PLSCR4: variants seen among roughly 807,000 people sequenced by gnomAD.
The protein encoded by PLSCR4 is Ca(2+)-dependent phospholipid scramblase 4.
In PLSCR4, 25 loss-of-function variants were observed where a neutral mutation model predicts 36.3. That is an observed-to-expected ratio of 0.69 (90% CI 0.50 to 0.96). The LOEUF (loss-of-function observed/expected upper bound fraction) is 0.96. Among genes scored for constraint, PLSCR4 ranks in the 40% least tolerant of loss-of-function variants. The probability of loss-of-function intolerance (pLI) is 0.00; values close to 1 mark genes in which losing one functional copy is unlikely to be tolerated. For synonymous variants in PLSCR4, 122 were observed against 132.9 expected (o/e 0.92, Z 0.56); for missense variants, 408 against 414.7 (o/e 0.98, Z 0.14).
chr3:146,224,833 C>T (rs1393194526), intron 1 of PLSCR4, among the ~76,000 whole-genome samples: 5 of 150,128 alleles, frequency 3.3e-5, no homozygotes, highest in African/African-American at 1.2e-4. Context: ...CAAAGGTTCT[C>T]CACGTCCCCA....
intron 3 of PLSCR4, among the ~76,000 whole-genome samples, chr3:146,219,560 C>T (rs886476635): frequency 6.6e-6 from 1 of 152,074 alleles, no homozygotes; most frequent in Non-Finnish European, 1.5e-5. Context: ...AATCCTGATG[C>T]TTTCAGAAAA....
intron 1 of PLSCR4, among the ~76,000 whole-genome samples, chr3:146,244,120 C>G (rs572925445): frequency 6.6e-6 from 1 of 152,236 alleles, no homozygotes; most frequent in East Asian, 1.9e-4. Flanking sequence ...AATTTAGAGT[C>G]AGGAATGATG....
chr3:146,199,409 C>T (rs553992015), intron 6 of PLSCR4, among the ~76,000 whole-genome samples: 5 of 152,162 alleles, frequency 3.3e-5, no homozygotes, highest in South Asian at 2.1e-4. Flanking sequence ...GCAAGGTATG[C>T]GTTGTGATGG....
chr3:146,227,653 C>A (rs537998507), intron 1 of PLSCR4, among the ~76,000 whole-genome samples: 5 of 152,168 alleles, frequency 3.3e-5, no homozygotes, highest in Non-Finnish European at 7.3e-5. Flanking sequence ...GCTATCCTGG[C>A]CTCTCCACAA....
Position 146,228,439 on chromosome 3 carries a change from T to C in PLSCR4, c.-21-6347A>G, listed in dbSNP as rs565484679. 2.6e-5 allele frequency among the ~76,000 whole-genome samples: 4 copies of C among 152,176 alleles called. No homozygotes were observed. The South Asian group carries it at 8.3e-4, about 32-fold the overall frequency. ...TCTAGCAAATGGGATTTCATGAGCATTGTTTGTATGAATTTCAAAGTGGAA... is the reference window on the plus strand; with the variant it reads ...TCTAGCAAATGGGATTTCATGAGCACTGTTTGTATGAATTTCAAAGTGGAA... On this transcript the variant is annotated intron_variant, in intron 1 of 8. Transcript: ENST00000354952.
At chr3:146,231,683 C>A (rs968578879) in intron 1 of PLSCR4, among the ~76,000 whole-genome samples, 1 of 151,994 alleles carries the variant, frequency 6.6e-6, no homozygotes, top group African/African-American at 2.4e-5. Context: ...CTATTCATAA[C>A]CTTTGCCCAT....
Position 146,195,169 on chromosome 3 carries a change from C to T in PLSCR4, c.900G>A (p.Leu300=). Residue 300 remains leucine (L), a synonymous_variant, in exon 8 of 9, where the codon CTG becomes CTA. Coordinates refer to ENST00000354952, the MANE Select transcript of PLSCR4 (RefSeq NM_020353.3). ...DHFDIHFPLD[L]DVKMKAMIFG... is the part of the protein sequence containing the mutation. Reference sequence around the variant, plus strand: ...AAATCATGGCTTTCATCTTCACATCCAGGTCTAGTGGGAAGTGAATGTCAA... The same window carrying T: ...AAATCATGGCTTTCATCTTCACATCTAGGTCTAGTGGGAAGTGAATGTCAA... 6.2e-7 allele frequency: 1 copy of T among 1,613,910 alleles called. No individual in the cohort carries two copies. Among genetic ancestry groups the T allele is most frequent in the Non-Finnish European group, 8.5e-7 (1 of 1,179,862 alleles).
chr3:146,237,204 A>G (rs189937373), intron 1 of PLSCR4, among the ~76,000 whole-genome samples: 1 of 152,308 alleles, frequency 6.6e-6, no homozygotes, highest in Non-Finnish European at 1.5e-5. Flanking sequence ...TAAAACTTTA[A>G]GACAAAAACT....
At chr3:146,212,699 TTTTC>T (rs1350102191) in intron 3 of PLSCR4, among the ~76,000 whole-genome samples, 2 of 152,110 alleles carry the variant, frequency 1.3e-5, no homozygotes, top group African/African-American at 2.4e-5. Flanking sequence ...TCTGGATGAA[TTTTC>T]TTTCTTTTTC....
At position 146,194,198 on chromosome 3, in the gene PLSCR4, T is replaced by G. The variant is rs1453539348; in HGVS notation, c.*213A>C. 6 of 509,094 alleles carry G rather than the reference T, an allele frequency of 1.2e-5. No individual in the cohort carries two copies. In the South Asian group the frequency reaches 2.0e-4, roughly 17 times the overall value. 31.5% of individuals were successfully genotyped at this position (509,094 alleles called of 1,614,324 possible). On this transcript the variant is annotated 3_prime_UTR_variant, in exon 9 of 9. Transcript: ENST00000354952. ...GTTAATGAGTCACAGCTTTTCAGGA[T>G]GAACTCCTATTCTACTAGAGAGATA...
intron 3 of PLSCR4, among the ~76,000 whole-genome samples, chr3:146,207,309 G>C (rs1576457648): frequency 6.6e-6 from 1 of 152,010 alleles, no homozygotes; most frequent in Non-Finnish European, 1.5e-5. Context: ...TCTCAGACTG[G>C]TCCCCAATCC....
At chr3:146,196,458 C>A in intron 7 of PLSCR4, 174 bp downstream of exon 7, 2 of 597,204 alleles carry the variant, frequency 3.3e-6, no homozygotes, top group Non-Finnish European at 5.8e-6. Context: ...TTTGGAAAAC[C>A]TCAATCTACT....
chr3:146,238,182 T>G (rs972123113), intron 1 of PLSCR4, among the ~76,000 whole-genome samples: 2 of 150,768 alleles, frequency 1.3e-5, no homozygotes, highest in African/African-American at 4.9e-5. Flanking sequence ...GAGGCTAAAT[T>G]AGTAACCAAA....
chr3:146,239,253 G>A (rs2036044196), intron 1 of PLSCR4, among the ~76,000 whole-genome samples: 1 of 151,992 alleles, frequency 6.6e-6, no homozygotes, highest in Non-Finnish European at 1.5e-5. Flanking sequence ...AGAAATAAAA[G>A]GGTCCCATAA....
rs2108203661 is a variant in PLSCR4 at position 146,196,660 on chromosome 3, T to C, written c.758A>G (p.Tyr253Cys). 1 of 1,613,946 alleles carries C rather than the reference T, an allele frequency of 6.2e-7. No homozygotes were observed. The highest frequency in any genetic ancestry group is 8.5e-7 in the Non-Finnish European group (1 of 1,179,890). Residue 253 changes from tyrosine to cysteine, a missense_variant, in exon 7 of 9, where the codon TAT (tyrosine) becomes TGT (cysteine). Transcript: ENST00000354952. ...VMRVRGPCST[Y>C]GCGSDSVFEV... is the part of the protein sequence containing the mutation. ...AAAAACAGAATCTGAACCACAGCCA[T>C]AGGTTGAGCATGGCCCACGAACTCT...
intron 1 of PLSCR4, among the ~76,000 whole-genome samples, chr3:146,242,225 T>C (rs1457996721): frequency 6.6e-6 from 1 of 152,190 alleles, no homozygotes; most frequent in Non-Finnish European, 1.5e-5. Context: ...GAAACTCTTC[T>C]GGTTCTGAGG....
At chr3:146,203,952 C>G (rs754704941) in intron 4 of PLSCR4, among the ~76,000 whole-genome samples, 2 of 152,042 alleles carry the variant, frequency 1.3e-5, no homozygotes, top group Admixed American at 6.6e-5. Context: ...TTTGGCCTAT[C>G]TCAACTTTCA....
intron 3 of PLSCR4, among the ~76,000 whole-genome samples, chr3:146,213,334 C>CTTT (rs60242461): frequency 4.0e-5 from 5 of 125,514 alleles, no homozygotes; most frequent in South Asian, 2.7e-4. Flanking sequence ...GTAAAATTTC[C>CTTT]TTTTTTTTTT....
At position 146,193,456 on chromosome 3, in the gene PLSCR4, A is replaced by C. The variant is rs1009080410; in HGVS notation, c.*955T>G. ...GAAGGATCTTCTTGAAAAAAACAAAAACAAAAACAAAAAACAATGATCTCT... is the reference window on the plus strand; with the variant it reads ...GAAGGATCTTCTTGAAAAAAACAAACACAAAAACAAAAAACAATGATCTCT... On this transcript the variant is annotated 3_prime_UTR_variant, in exon 9 of 9. Coordinates refer to ENST00000354952, the MANE Select transcript of PLSCR4 (RefSeq NM_020353.3). 6.6e-6 allele frequency: 1 copy of C among 152,118 alleles called. No homozygotes were observed. Among genetic ancestry groups the C allele is most frequent in the Non-Finnish European group, 1.5e-5 (1 of 68,038 alleles). The allele number at this position is 152,118 out of a possible 1,614,324, so 9.4% of individuals were successfully genotyped here. A position where few individuals can be genotyped will look rare whatever the true frequency, so the allele number is the denominator to read the frequency against.
Sources: allele counts gnomAD v4.1 joint callset (sites outside exome capture counted in the v4.1 genomes callset), GRCh38; gene constraint gnomAD v4.1.1; transcripts MANE v1.5; gene names NCBI Gene and HGNC (gene_info 2026-07-23, HGNC 2026-07-21).